The following COL27A1 variants were observed in gnomAD, a reference collection of about 807,000 sequenced individuals.
The protein encoded by COL27A1 is collagen type XXVII alpha 1 chain.
Under a neutral mutation model 251.3 loss-of-function variants are expected in COL27A1, and 106 were observed. The observed-to-expected ratio is 0.42, with a 90% CI of 0.36 to 0.50. The LOEUF (loss-of-function observed/expected upper bound fraction) is 0.50, where lower values mean the gene tolerates loss of function less well. Among genes scored for constraint, COL27A1 ranks in the 20% least tolerant of loss-of-function variants. COL27A1 has a pLI of 0.00. For synonymous variants in COL27A1, 1,000 were observed against 986.3 expected (o/e 1.01, Z -0.26); for missense variants, 2,325 against 2,522.8 (o/e 0.92, Z 1.68).
chr9:114,297,863 C>CA (rs1057141389), intron 49 of COL27A1, among the ~76,000 whole-genome samples: 20 of 152,008 alleles, frequency 1.3e-4, no homozygotes, highest in Non-Finnish European at 2.5e-4. Context: ...GATCAATATA[C>CA]AAAAAATGTC....
intron 24 of COL27A1, among the ~76,000 whole-genome samples, chr9:114,248,106 TGTCAGAGGCAAG>T (rs1833269377): frequency 1.3e-5 from 2 of 152,152 alleles, no homozygotes; most frequent in African/African-American, 4.8e-5. Context: ...GTAACATCAC[TGTCAGAGGCAAG>T]ATTGACCCTG....
intron 28 of COL27A1, among the ~76,000 whole-genome samples, chr9:114,261,042 C>T (rs114966086): frequency 2.0e-5 from 3 of 152,210 alleles, no homozygotes; most frequent in African/African-American, 7.2e-5. Flanking sequence ...TTCACTTCCC[C>T]CTCCGTAAAA....
rs544546682 is a variant in COL27A1, at chr9:114,221,163, AG to A, written c.2422-1058del. Among the ~76,000 whole-genome samples the A allele has an allele frequency of 3.1e-3, 477 of 152,216 alleles. 3 individuals carry two copies. Among genetic ancestry groups the A allele is most frequent in the African/African-American group, 0.011 (455 of 41,506 alleles). On this transcript the variant is annotated intron_variant, in intron 13 of 60. Coordinates refer to ENST00000356083, the MANE Select transcript of COL27A1 (RefSeq NM_032888.4). ...CCATTGCCCTCCTCTGTCACACAAC[AG>A]GCAGTGGGATGGGTGGGATCAGAGA...
intron 37 of COL27A1, among the ~76,000 whole-genome samples, chr9:114,278,611 A>G (rs1159739342): frequency 6.7e-6 from 1 of 148,228 alleles, no homozygotes; most frequent in Admixed American, 6.7e-5. Flanking sequence ...GGTGATGATG[A>G]TGATATGGTG....
chr9:114,203,584 C>T (rs1415154848), intron 7 of COL27A1, among the ~76,000 whole-genome samples: 1 of 152,210 alleles, frequency 6.6e-6, no homozygotes, highest in Non-Finnish European at 1.5e-5. Flanking sequence ...TTGCATCAAT[C>T]TCCATAGGCC....
At chr9:114,262,938 ATTTT>A (rs386415960) in intron 28 of COL27A1, among the ~76,000 whole-genome samples, 2 of 127,070 alleles carry the variant, frequency 1.6e-5, no homozygotes, top group African/African-American at 3.0e-5. Context: ...TCCTTGTTTG[ATTTT>A]TTTTTTTTTT....
intron 2 of COL27A1, among the ~76,000 whole-genome samples, chr9:114,165,080 G>A (rs368472416): frequency 6.6e-6 from 1 of 152,178 alleles, no homozygotes; most frequent in Non-Finnish European, 1.5e-5. Flanking sequence ...TGAAGATGAT[G>A]AGGAAGATGA....
At chr9:114,160,119 G>A (rs1341659741) in intron 1 of COL27A1, among the ~76,000 whole-genome samples, 1 of 152,030 alleles carries the variant, frequency 6.6e-6, no homozygotes, top group East Asian at 1.9e-4. Flanking sequence ...TCAGAGTAGG[G>A]GAATTAAGGC....
In COL27A1 at chr9:114,242,247, C is replaced by T. The variant is rs762458480; in HGVS notation, c.2880+16C>T. ...TGGCTTGGAGGTGAGTGTCACTGGC[C>T]TGGGGTAGGTGGCATTCATGGGAGC... is the stretch of plus-strand genomic sequence containing the variant. On this transcript the variant is annotated intron_variant, in intron 22 of 60. Transcript: ENST00000356083. The T allele has an allele frequency of 3.7e-6, 6 of 1,607,440 alleles. No individual in the cohort carries two copies. In the South Asian group the frequency reaches 5.6e-5, roughly 15 times the overall value.
intron 49 of COL27A1, among the ~76,000 whole-genome samples, chr9:114,295,517 A>G (rs906818980): frequency 4.6e-5 from 7 of 152,250 alleles, no homozygotes; most frequent in African/African-American, 1.7e-4. Context: ...TGGCAGACTA[A>G]TGGCACTTGA....
At chr9:114,254,265 G>A (rs1400020557) in intron 27 of COL27A1, among the ~76,000 whole-genome samples, 2 of 151,906 alleles carry the variant, frequency 1.3e-5, no homozygotes, top group South Asian at 4.2e-4. Context: ...GTTGGTGGGA[G>A]GCTCTCAAGG....
chr9:114,164,536 A>T (rs1848698697), intron 2 of COL27A1, among the ~76,000 whole-genome samples: 1 of 151,888 alleles, frequency 6.6e-6, no homozygotes, highest in South Asian at 2.1e-4. Context: ...GCCAGTTGTG[A>T]CTCTCTTTGG....
At chr9:114,206,816 A>G (rs1203294988) in intron 10 of COL27A1, among the ~76,000 whole-genome samples, 4 of 152,064 alleles carry the variant, frequency 2.6e-5, no homozygotes, top group African/African-American at 7.2e-5. Context: ...TCAGTTGCCT[A>G]CCTCTACAAT....
intron 7 of COL27A1, among the ~76,000 whole-genome samples, chr9:114,201,131 G>A (rs1048926691): frequency 2.6e-5 from 4 of 152,208 alleles, no homozygotes; most frequent in Non-Finnish European, 5.9e-5. Flanking sequence ...AATATAGACC[G>A]AGTTCTATTA....
rs78851132 is a variant in COL27A1, at chr9:114,247,407, G to A, written c.2979+1497G>A. Among the ~76,000 whole-genome samples, 148 of 152,344 alleles carry A rather than the reference G, an allele frequency of 9.7e-4. 1 individual carries two copies. The South Asian group carries it at 0.014, about 14-fold the overall frequency. On this transcript the variant is annotated intron_variant, in intron 24 of 60. Transcript: ENST00000356083. ...CAATTAGAGGTTCATGAAAATGAAA[G>A]AGTTTTAATTTTTTTCCATTCAAGT...
intron 7 of COL27A1, among the ~76,000 whole-genome samples, chr9:114,200,749 C>G (rs1829508343): frequency 6.6e-6 from 1 of 152,226 alleles, no homozygotes; most frequent in South Asian, 2.1e-4. Context: ...AGACCCTCTA[C>G]TCTAGGCATG....
At chr9:114,204,060 A>C (rs907941897) in intron 7 of COL27A1, among the ~76,000 whole-genome samples, 1 of 152,076 alleles carries the variant, frequency 6.6e-6, no homozygotes, top group Non-Finnish European at 1.5e-5. Context: ...TTGAGCGTGC[A>C]TGTGCGCGTG....
chr9:114,254,994 G>A lies in COL27A1; in HGVS notation c.3141+2062G>A, dbSNP rs529486654. ...GTGAGAGGCCTGGATATAGGTGACC[G>A]TCACCCAGAGGAGAAGGCATCAGCA... is the stretch of plus-strand genomic sequence containing the variant. On this transcript the variant is annotated intron_variant, in intron 27 of 60. Transcript: ENST00000356083. Among the ~76,000 whole-genome samples, 16 of 152,306 alleles carry A rather than the reference G, an allele frequency of 1.1e-4. No individual in the cohort carries two copies. The South Asian group carries it at 1.2e-3, about 12-fold the overall frequency.
intron 28 of COL27A1, among the ~76,000 whole-genome samples, 169 bp downstream of exon 28, chr9:114,258,763 G>A (rs1834118397): frequency 6.6e-6 from 1 of 152,226 alleles, no homozygotes; most frequent in Admixed American, 6.5e-5. Context: ...GTCTCTAGGG[G>A]TGGGACCCCA....
Sources: gnomAD v4.1 joint callset for allele counts (sites outside exome capture counted in the v4.1 genomes callset) on GRCh38, gnomAD v4.1.1 for gene constraint, MANE v1.5 for transcripts, NCBI Gene and HGNC (gene_info 2026-07-23, HGNC 2026-07-21) for gene names.